ARMH1: variants seen among roughly 807,000 people sequenced by gnomAD.
ARMH1 encodes armadillo-like helical domain containing protein 1.
A neutral mutation model predicts 50.2 loss-of-function variants in ARMH1; 34 were observed. The ratio of observed to expected loss-of-function variants is 0.68; its 90% confidence interval spans 0.51 to 0.90. The LOEUF (loss-of-function observed/expected upper bound fraction) is 0.90, where lower values mean the gene tolerates loss of function less well. Ranked by LOEUF, ARMH1 falls within the 40% of genes least tolerant of loss-of-function variation. The pLI is 0.00. For synonymous variants in ARMH1, 221 were observed against 224.2 expected (o/e 0.99, Z 0.13); for missense variants, 538 against 553.9 (o/e 0.97, Z 0.29).
intron 4 of ARMH1, 61 bp from the exon 5 acceptor site, chr1:44,700,862 T>C: frequency 1.4e-6 from 2 of 1,400,282 alleles, no homozygotes; most frequent in Non-Finnish European, 1.9e-6. Flanking sequence ...TTATATAATC[T>C]TGAGTGGGGA....
intron 1 of ARMH1, among the ~76,000 whole-genome samples, chr1:44,688,479 T>C: frequency 6.6e-6 from 1 of 152,216 alleles, no homozygotes; most frequent in Non-Finnish European, 1.5e-5. Context: ...TTTAACTAGA[T>C]CTCTGGCGAA....
At chr1:44,709,589 T>G (rs766407668) in intron 6 of ARMH1, among the ~76,000 whole-genome samples, 22 of 151,838 alleles carry the variant, frequency 1.4e-4, no homozygotes, top group Non-Finnish European at 2.5e-4. Context: ...GGAGAATAGC[T>G]TGAACCCAGG....
rs1316864330 is a variant in ARMH1 at position 44,725,117 on chromosome 1, C to G, written c.1129-19C>G. The G allele has an allele frequency of 1.3e-6, 2 of 1,551,800 alleles. No individual in the cohort carries two copies. The highest frequency in any genetic ancestry group is 3.9e-5 in the Admixed American group (2 of 51,006). On this transcript the variant is annotated intron_variant, in intron 10 of 11. Transcript: ENST00000535358. ...CTGCCCTGGCACCCCAGCCGGGTCCCCCTTGCTCCTGTCCTCAGAGCAACG... is the reference window on the plus strand; with the variant it reads ...CTGCCCTGGCACCCCAGCCGGGTCCGCCTTGCTCCTGTCCTCAGAGCAACG...
At chr1:44,694,509 CTTTTTTTT>C (rs10531731) in intron 2 of ARMH1, among the ~76,000 whole-genome samples, 1 of 113,678 alleles carries the variant, frequency 8.8e-6, no homozygotes, top group Admixed American at 9.4e-5. Context: ...TTCTTTTTTT[CTTTTTTTT>C]TTTTTTTTTT....
intron 6 of ARMH1, among the ~76,000 whole-genome samples, chr1:44,707,514 C>T (rs1418872806): frequency 2.0e-5 from 3 of 152,168 alleles, no homozygotes; most frequent in East Asian, 1.9e-4. Context: ...ACTCCAGCCT[C>T]GACCTCCTAG....
At chr1:44,698,276 A>G (rs761037406) in intron 4 of ARMH1, 47 bp downstream of exon 4, 3 of 1,479,768 alleles carry the variant, frequency 2.0e-6, no homozygotes, top group Non-Finnish European at 2.7e-6. Context: ...GGCCTGAATG[A>G]CATGGTGGCA....
chr1:44,704,228 T>G, intron 6 of ARMH1, 55 bp downstream of exon 6: 2 of 1,307,384 alleles, frequency 1.5e-6, no homozygotes, highest in Non-Finnish European at 2.2e-6. Context: ...ATATCAGCTC[T>G]CAAAAGCTTT....
intron 2 of ARMH1, 86 bp from the exon 3 acceptor site, chr1:44,697,016 C>A: frequency 9.9e-7 from 1 of 1,007,120 alleles, no homozygotes; most frequent in Non-Finnish European, 1.5e-6. Context: ...CCACCCTGGG[C>A]CCGGGGTGGT....
At chr1:44,702,254 A>G (rs537414063) in intron 5 of ARMH1, among the ~76,000 whole-genome samples, 1 of 152,190 alleles carries the variant, frequency 6.6e-6, no homozygotes, top group South Asian at 2.1e-4. Context: ...GGAGGCAGAT[A>G]CTATTCTCCC....
intron 6 of ARMH1, among the ~76,000 whole-genome samples, chr1:44,711,029 A>G (rs916632068): frequency 6.6e-5 from 10 of 152,238 alleles, no homozygotes; most frequent in Non-Finnish European, 1.3e-4. Flanking sequence ...TCAGTACTTC[A>G]TTCCTTTTTG....
Position 44,683,076 on chromosome 1 carries a change from G to A in ARMH1, c.-22-6600G>A, listed in dbSNP as rs1645363814. Among the ~76,000 whole-genome samples, 1 of 152,252 alleles carries A rather than the reference G, an allele frequency of 6.6e-6. No individual in the cohort carries two copies. Among genetic ancestry groups the A allele is most frequent in the Non-Finnish European group, 1.5e-5 (1 of 68,044 alleles). ...AAACTGAAATAGCGGCAGTGGAGGT[G>A]AAGACAGACAGACTGATCTCAGGGA... On this transcript the variant is annotated intron_variant, in intron 1 of 11. Coordinates refer to ENST00000535358, the MANE Select transcript of ARMH1 (RefSeq NM_001145636.2). The surrounding 1 kb of genome is among the most constrained non-coding windows in gnomAD (Gnocchi z 4.2).
chr1:44,716,873 C>T (rs1414148890), intron 6 of ARMH1, among the ~76,000 whole-genome samples: 2 of 142,968 alleles, frequency 1.4e-5, no homozygotes, highest in African/African-American at 2.6e-5. Flanking sequence ...TTTTTTGAGA[C>T]GGAGTCTCAC....
At chr1:44,697,857 G>A (rs1645879737) in intron 3 of ARMH1, among the ~76,000 whole-genome samples, 1 of 152,184 alleles carries the variant, frequency 6.6e-6, no homozygotes, top group Admixed American at 6.6e-5. Flanking sequence ...ATGCTGGAAT[G>A]GCAAAACCAA....
At chr1:44,704,789 G>C (rs932679957) in intron 6 of ARMH1, among the ~76,000 whole-genome samples, 1 of 151,750 alleles carries the variant, frequency 6.6e-6, no homozygotes, top group Non-Finnish European at 1.5e-5. Flanking sequence ...TGGGATTACA[G>C]GCATGAGCCA....
intron 1 of ARMH1, among the ~76,000 whole-genome samples, chr1:44,675,361 G>A (rs906337877): frequency 3.9e-5 from 6 of 152,126 alleles, no homozygotes; most frequent in Non-Finnish European, 1.5e-5. Context: ...AGATAGGGAG[G>A]GGGAAAGACT....
At chr1:44,692,230 G>A (rs1645680853) in intron 2 of ARMH1, among the ~76,000 whole-genome samples, 1 of 152,050 alleles carries the variant, frequency 6.6e-6, no homozygotes, top group South Asian at 2.1e-4. Context: ...GTTCTATCCT[G>A]GGCGATGGAG....
chr1:44,725,457 A>ATCT lies in ARMH1; in HGVS notation c.*54_*55insTCT. Reference sequence around the variant, plus strand: ...AGGCTGCGGGGCAGGGAAGCCTGGCAAGAGGAAGGCGCCTGGGGTCAAGCT... The same window carrying ATCT: ...AGGCTGCGGGGCAGGGAAGCCTGGCATCTAGAGGAAGGCGCCTGGGGTCAAGCT... On this transcript the variant is annotated 3_prime_UTR_variant, in exon 12 of 12. Transcript: ENST00000535358. The ATCT allele has an allele frequency of 6.6e-7, 1 of 1,525,014 alleles. No homozygotes were observed. Among genetic ancestry groups the ATCT allele is most frequent in the Non-Finnish European group, 8.9e-7 (1 of 1,123,580 alleles). The allele number at this position is 1,525,014 out of a possible 1,614,324, so 94.5% of individuals were successfully genotyped here.
chr1:44,698,852 G>C (rs938624782), intron 4 of ARMH1, among the ~76,000 whole-genome samples: 1 of 147,356 alleles, frequency 6.8e-6, no homozygotes, highest in African/African-American at 2.5e-5. Flanking sequence ...AATAACTCAA[G>C]AAATAAAATT....
At chr1:44,723,516 C>G (rs925796670) in intron 6 of ARMH1, among the ~76,000 whole-genome samples, 10 of 152,184 alleles carry the variant, frequency 6.6e-5, no homozygotes, top group African/African-American at 2.4e-4. Flanking sequence ...TCCATCACTT[C>G]CTAGCTGTGT....
Sources: gnomAD v4.1 joint callset for allele counts (sites outside exome capture counted in the v4.1 genomes callset) on GRCh38, gnomAD v4.1.1 for gene constraint, Gnocchi (gnomAD v3.1) non-coding constraint, MANE v1.5 for transcripts, NCBI Gene and HGNC (gene_info 2026-07-23, HGNC 2026-07-21) for gene names.